Variants in ARHGAP24 observed in about 807,000 individuals in gnomAD.
ARHGAP24 encodes Rho GTPase activating protein 24.
A neutral mutation model predicts 76.4 loss-of-function variants in ARHGAP24; 50 were observed. That is an observed-to-expected ratio of 0.65 (90% CI 0.52 to 0.83). The LOEUF (loss-of-function observed/expected upper bound fraction) is 0.83. Ranked by LOEUF, ARHGAP24 falls within the 40% of genes least tolerant of loss-of-function variation. The pLI is 0.00. For synonymous variants in ARHGAP24, 345 were observed against 323.3 expected (o/e 1.07, Z -0.72); for missense variants, 930 against 914.2 (o/e 1.02, Z -0.22).
At chr4:85,718,175 C>T (rs1272575789) in intron 2 of ARHGAP24, among the ~76,000 whole-genome samples, 13 of 151,988 alleles carry the variant, frequency 8.6e-5, no homozygotes, top group African/African-American at 3.1e-4. Flanking sequence ...TAAAATGTTC[C>T]TTATAAGACA....
intron 3 of ARHGAP24, among the ~76,000 whole-genome samples, chr4:85,835,697 G>T (rs1476177863): frequency 6.6e-6 from 1 of 151,664 alleles, no homozygotes; most frequent in African/African-American, 2.4e-5. Flanking sequence ...TTGTTTGTTT[G>T]TTTTTTGAGA....
chr4:85,527,788 T>A (rs1725070639), intron 1 of ARHGAP24, among the ~76,000 whole-genome samples: 1 of 152,166 alleles, frequency 6.6e-6, no homozygotes, highest in African/African-American at 2.4e-5. Flanking sequence ...TCCTTCTGTA[T>A]TTTAAATGAC....
intron 3 of ARHGAP24, among the ~76,000 whole-genome samples, chr4:85,756,082 T>C (rs981761809): frequency 2.0e-5 from 3 of 152,236 alleles, no homozygotes; most frequent in Admixed American, 6.5e-5. Context: ...CAATGTATTG[T>C]AATGTATGTA....
chr4:85,966,504 T>G (rs1398936208), intron 5 of ARHGAP24, among the ~76,000 whole-genome samples: 1 of 152,172 alleles, frequency 6.6e-6, no homozygotes, highest in African/African-American at 2.4e-5. Flanking sequence ...AGATTCTAGT[T>G]TCACTGCTGA....
chr4:85,714,756 G>T (rs973909865), intron 2 of ARHGAP24, among the ~76,000 whole-genome samples: 1 of 152,042 alleles, frequency 6.6e-6, no homozygotes, highest in Admixed American at 6.6e-5. Flanking sequence ...TTACCAATTT[G>T]CAAGTCTTCC....
At chr4:85,596,755 G>A (rs13129615) in intron 2 of ARHGAP24, among the ~76,000 whole-genome samples, 58,678 of 151,586 alleles carry the variant, frequency 0.39, 12,541 homozygotes, top group Non-Finnish European at 0.49. Context: ...TTTTCCCTAG[G>A]TGTTCTAAAA....
intron 2 of ARHGAP24, among the ~76,000 whole-genome samples, chr4:85,694,611 C>A (rs1723803449): frequency 6.6e-6 from 1 of 152,088 alleles, no homozygotes; most frequent in Admixed American, 6.5e-5. Context: ...GAAAAAAAAG[C>A]TTCTCATCCT....
At chr4:85,675,666 T>C (rs748609979) in intron 2 of ARHGAP24, among the ~76,000 whole-genome samples, 4 of 152,226 alleles carry the variant, frequency 2.6e-5, no homozygotes, top group African/African-American at 4.8e-5. Context: ...ATTGAGCCTA[T>C]GGAGTCATTC....
intron 2 of ARHGAP24, among the ~76,000 whole-genome samples, chr4:85,609,806 G>A (rs1720320271): frequency 6.6e-6 from 1 of 152,124 alleles, no homozygotes; most frequent in Non-Finnish European, 1.5e-5. Context: ...TATCCATCAT[G>A]TCAAGCATTT....
intron 2 of ARHGAP24, among the ~76,000 whole-genome samples, chr4:85,623,457 T>G (rs1411497960): frequency 6.6e-6 from 1 of 152,182 alleles, no homozygotes; most frequent in Non-Finnish European, 1.5e-5. Flanking sequence ...TTGGTCTATA[T>G]CTCTGTTTTG....
chr4:85,921,649 C>T (rs541693643), intron 3 of ARHGAP24, among the ~76,000 whole-genome samples: 15 of 152,188 alleles, frequency 9.9e-5, no homozygotes, highest in Middle Eastern at 3.4e-3. Context: ...TCTTTGACTT[C>T]GAAATCTATG....
chr4:85,961,421 T>C (rs1738240629), intron 5 of ARHGAP24, among the ~76,000 whole-genome samples: 1 of 152,028 alleles, frequency 6.6e-6, no homozygotes, highest in African/African-American at 2.4e-5. Context: ...GAGATTCAGC[T>C]GCGTAAAACT....
chr4:85,939,267 A>G (rs968287281), intron 4 of ARHGAP24, among the ~76,000 whole-genome samples: 6 of 152,228 alleles, frequency 3.9e-5, no homozygotes, highest in African/African-American at 1.4e-4. Context: ...GATTTTTCTC[A>G]GTTGTAGAAT....
chr4:85,619,112 C>T (rs1383799268), intron 2 of ARHGAP24, among the ~76,000 whole-genome samples: 2 of 151,972 alleles, frequency 1.3e-5, no homozygotes, highest in Non-Finnish European at 2.9e-5. Context: ...TGCATTTAAA[C>T]CTTTAATTCA....
At chr4:85,529,934 G>C (rs1447786500) in intron 1 of ARHGAP24, among the ~76,000 whole-genome samples, 1 of 151,692 alleles carries the variant, frequency 6.6e-6, no homozygotes, top group East Asian at 1.9e-4. Context: ...TATTTCTTTT[G>C]AGAGTTGGTT....
intron 2 of ARHGAP24, among the ~76,000 whole-genome samples, chr4:85,605,290 G>A (rs986518016): frequency 2.8e-4 from 42 of 152,122 alleles, no homozygotes; most frequent in Non-Finnish European, 5.3e-4. Context: ...TAGCTTTAGG[G>A]AAATATATAT....
intron 3 of ARHGAP24, among the ~76,000 whole-genome samples, chr4:85,734,125 A>G (rs577034931): frequency 6.6e-6 from 1 of 152,322 alleles, no homozygotes; most frequent in South Asian, 2.1e-4. Context: ...CAAATATTAA[A>G]AAAGCTGAGA....
At chr4:85,645,536 A>G (rs963596075) in intron 2 of ARHGAP24, among the ~76,000 whole-genome samples, 2 of 152,092 alleles carry the variant, frequency 1.3e-5, no homozygotes, top group Non-Finnish European at 2.9e-5. Flanking sequence ...CTGAGCATGA[A>G]TATAGTATTT....
intron 3 of ARHGAP24, among the ~76,000 whole-genome samples, chr4:85,824,054 T>C (rs1351104380): frequency 6.6e-6 from 1 of 152,126 alleles, no homozygotes; most frequent in Non-Finnish European, 1.5e-5. Context: ...TATTTAGAAA[T>C]ACAGTAAATT....
Sources: gnomAD v4.1 joint callset for allele counts (sites outside exome capture counted in the v4.1 genomes callset) on GRCh38, gnomAD v4.1.1 for gene constraint, MANE v1.5 for transcripts, NCBI Gene and HGNC (gene_info 2026-07-23, HGNC 2026-07-21) for gene names.